CBX5: variants seen among roughly 807,000 people sequenced by gnomAD.
CBX5 encodes the protein chromobox protein homolog 5.
A neutral mutation model predicts 20.7 loss-of-function variants in CBX5; 7 were observed. That is an observed-to-expected ratio of 0.34 (90% CI 0.19 to 0.63). CBX5 has a LOEUF of 0.63. Ranked by LOEUF, CBX5 falls within the 30% of genes least tolerant of loss-of-function variation. CBX5 has a pLI of 0.75. For missense variants in CBX5, 110 were observed against 224.1 expected (o/e 0.49, Z 3.25); for synonymous variants, 78 against 77.0 (o/e 1.01, Z -0.07).
chr12:54,254,376 T>G (rs1473890053), intron 2 of CBX5, among the ~76,000 whole-genome samples: 1 of 151,054 alleles, frequency 6.6e-6, no homozygotes, highest in Non-Finnish European at 1.5e-5. Context: ...TGGGAATGAT[T>G]TGAACACATG....
chr12:54,265,881 T>C (rs980631614), intron 1 of CBX5, among the ~76,000 whole-genome samples: 6 of 151,862 alleles, frequency 4.0e-5, no homozygotes, highest in Admixed American at 2.6e-4. Flanking sequence ...ACCCCATCTT[T>C]ACTAAAAATA....
intron 1 of CBX5, among the ~76,000 whole-genome samples, chr12:54,259,786 AGC>A (rs1291696600): frequency 2.0e-5 from 3 of 152,370 alleles, no homozygotes; most frequent in Non-Finnish European, 4.4e-5. Flanking sequence ...AGGCATTCAG[AGC>A]TTAAGGGAAT....
At chr12:54,246,877 T>C (rs964816551) in intron 3 of CBX5, among the ~76,000 whole-genome samples, 3 of 152,154 alleles carry the variant, frequency 2.0e-5, no homozygotes, top group Non-Finnish European at 4.4e-5. Flanking sequence ...GGAATCTCCT[T>C]AATATTGTAA....
At chr12:54,275,098 G>A (rs1408854745) in intron 1 of CBX5, among the ~76,000 whole-genome samples, 1 of 152,106 alleles carries the variant, frequency 6.6e-6, no homozygotes, top group Non-Finnish European at 1.5e-5. Context: ...CGCTTCAAAT[G>A]TAGGCTCACT....
intron 1 of CBX5, chr12:54,262,739 C>T (rs1050354107): frequency 4.0e-5 from 6 of 151,850 alleles, no homozygotes; most frequent in African/African-American, 1.5e-4. Flanking sequence ...AATTTAAGGG[C>T]TAGAGCCTAG....
intron 3 of CBX5, 64 bp from the exon 4 acceptor site, chr12:54,246,279 A>G (rs922574324): frequency 5.8e-6 from 7 of 1,214,692 alleles, no homozygotes; most frequent in Non-Finnish European, 7.2e-6. Flanking sequence ...CCCTGCTTCT[A>G]GGCTCAACAA....
At position 54,240,568 on chromosome 12, in the gene CBX5, G is replaced by A. The variant is rs576440736; in HGVS notation, c.*1187C>T. ...AAAAATAAGATACAACTATAAGTTT[G>A]AGGGTAGAAAAAGGGAAGAGCATTA... On this transcript the variant is annotated 3_prime_UTR_variant, in exon 5 of 5. Transcript: ENST00000209875. 37 of 152,218 alleles carry A rather than the reference G, an allele frequency of 2.4e-4. No homozygotes were observed. The highest frequency in any genetic ancestry group is 8.9e-4 in the African/African-American group (37 of 41,526). The allele number at this position is 152,218 out of a possible 1,614,324, so 9.4% of individuals were successfully genotyped here.
At chr12:54,266,494 CAGG>C (rs1472207777) in intron 1 of CBX5, among the ~76,000 whole-genome samples, 1 of 152,158 alleles carries the variant, frequency 6.6e-6, no homozygotes, top group Admixed American at 6.5e-5. Context: ...GAGGTTGAGG[CAGG>C]AGGACAGCTT....
chr12:54,260,521 G>A (rs1943905973), intron 1 of CBX5, among the ~76,000 whole-genome samples: 3 of 150,538 alleles, frequency 2.0e-5, no homozygotes, highest in Non-Finnish European at 4.4e-5. Flanking sequence ...GAATTTAGGT[G>A]GAAAAAAATT....
At position 54,239,090 on chromosome 12, in the gene CBX5, T is replaced by G. The variant is rs1477445827; in HGVS notation, c.*2665A>C. 1 of 152,184 alleles carries G rather than the reference T, an allele frequency of 6.6e-6. No homozygotes were observed. The highest frequency in any genetic ancestry group is 6.5e-5 in the Admixed American group (1 of 15,284). The allele number at this position is 152,184 out of a possible 1,614,324, so 9.4% of individuals were successfully genotyped here. A position where few individuals can be genotyped will look rare whatever the true frequency, so the allele number is the denominator to read the frequency against. On this transcript the variant is annotated 3_prime_UTR_variant, in exon 5 of 5. Transcript: ENST00000209875. ...CAATACTGGCCTCTGGCTCCCTACA[T>G]TCCTATAGAACCAGCTGCAGGTAGG...
intron 4 of CBX5, among the ~76,000 whole-genome samples, chr12:54,244,737 A>AG (rs1472649011): frequency 6.6e-6 from 1 of 152,194 alleles, no homozygotes; most frequent in East Asian, 1.9e-4. Flanking sequence ...TCAAAAAAAA[A>AG]GAAATCAAAT....
At chr12:54,244,036 C>G (rs906508119) in intron 4 of CBX5, among the ~76,000 whole-genome samples, 10 of 149,656 alleles carry the variant, frequency 6.7e-5, no homozygotes, top group African/African-American at 2.5e-4. Flanking sequence ...GAGTCTCGCT[C>G]TGTTGCCCAG....
intron 2 of CBX5, 136 bp from the exon 3 acceptor site, chr12:54,252,363 ATT>A: frequency 2.1e-6 from 1 of 483,644 alleles, no homozygotes. Context: ...AAGATAACAA[ATT>A]TGATCCTAGA....
intron 1 of CBX5, among the ~76,000 whole-genome samples, chr12:54,270,749 A>T: frequency 6.6e-6 from 1 of 152,148 alleles, no homozygotes; most frequent in African/African-American, 2.4e-5. Flanking sequence ...TTGCACTATG[A>T]TCAGGAAATA....
chr12:54,254,139 C>T (rs571943923), intron 2 of CBX5, among the ~76,000 whole-genome samples: 1 of 151,970 alleles, frequency 6.6e-6, no homozygotes, highest in Non-Finnish European at 1.5e-5. Context: ...CAGCCAGGCA[C>T]GGTGGCTCAT....
chr12:54,274,768 T>G (rs1019396935), intron 1 of CBX5, among the ~76,000 whole-genome samples: 3 of 151,906 alleles, frequency 2.0e-5, no homozygotes, highest in Non-Finnish European at 4.4e-5. Context: ...TGAAATCCTG[T>G]CTCTACTAAA....
At chr12:54,250,698 G>A (rs887522792) in intron 3 of CBX5, among the ~76,000 whole-genome samples, 3 of 148,096 alleles carry the variant, frequency 2.0e-5, no homozygotes, top group Non-Finnish European at 3.0e-5. Flanking sequence ...CCAGCTACTC[G>A]GGAGGCTGAG....
chr12:54,250,231 T>A (rs1943780371), intron 3 of CBX5, among the ~76,000 whole-genome samples: 1 of 150,882 alleles, frequency 6.6e-6, no homozygotes, highest in African/African-American at 2.4e-5. Context: ...CTCAAAAAAA[T>A]AAATAAAAAA....
intron 1 of CBX5, among the ~76,000 whole-genome samples, chr12:54,260,440 G>A (rs567202346): frequency 9.9e-5 from 15 of 152,004 alleles, no homozygotes; most frequent in Admixed American, 9.8e-4. Flanking sequence ...GTTGCAGTGA[G>A]CCTAGATCGC....
Sources: allele counts gnomAD v4.1 joint callset (sites outside exome capture counted in the v4.1 genomes callset), GRCh38; gene constraint gnomAD v4.1.1; transcripts MANE v1.5; gene names NCBI Gene and HGNC (gene_info 2026-07-23, HGNC 2026-07-21).